The following MARCHF1 variants were observed in gnomAD, a reference collection of about 807,000 sequenced individuals.
MARCHF1 encodes membrane associated ring-CH-type finger 1, also known as E3 ubiquitin-protein ligase MARCHF1.
In MARCHF1, 40 loss-of-function variants were observed where a neutral mutation model predicts 54.2. The ratio of observed to expected loss-of-function variants is 0.74; its 90% CI spans 0.57 to 0.96. The LOEUF (loss-of-function observed/expected upper bound fraction) is 0.96, where lower values mean the gene tolerates loss of function less well. Ranked by LOEUF, MARCHF1 falls within the 40% of genes least tolerant of loss-of-function variation. MARCHF1 has a pLI of 0.00. For synonymous variants in MARCHF1, 236 were observed against 236.3 expected (o/e 1.00, Z 0.01); for missense variants, 586 against 656.5 (o/e 0.89, Z 1.17).
intron 4 of MARCHF1, among the ~76,000 whole-genome samples, chr4:163,788,797 AG>A (rs760429479): frequency 7.2e-5 from 11 of 152,026 alleles, no homozygotes; most frequent in African/African-American, 9.7e-5. Context: ...GTTAGAAGTG[AG>A]CCACTAAATT....
intron 1 of MARCHF1, among the ~76,000 whole-genome samples, chr4:164,326,783 G>A (rs1450066722): frequency 3.3e-5 from 5 of 152,132 alleles, no homozygotes; most frequent in African/African-American, 7.2e-5. Context: ...ACAGATAGGA[G>A]CTAAAAGTAT....
chr4:163,854,174 A>G lies in MARCHF1; in HGVS notation c.-38-5T>C. ...CCCTTTTCAATTTCTGAAATTCTGA[A>G]AATAATTTACATTCCCTGAAACAGG... is the stretch of plus-strand genomic sequence containing the variant. On this transcript the variant is annotated splice_region_variant and splice_polypyrimidine_tract_variant and intron_variant, in intron 3 of 9. Coordinates refer to ENST00000514618, the MANE Select transcript of MARCHF1 (RefSeq NM_001394959.1). 6.7e-7 allele frequency: 1 copy of G among 1,500,886 alleles called. No individual in the cohort carries two copies. Among genetic ancestry groups the G allele is most frequent in the South Asian group, 1.3e-5 (1 of 79,222 alleles). 93.0% of individuals were successfully genotyped at this position (1,500,886 alleles called of 1,614,324 possible).
intron 1 of MARCHF1, among the ~76,000 whole-genome samples, chr4:164,169,112 CTA>C (rs1730459774): frequency 6.6e-6 from 1 of 152,076 alleles, no homozygotes; most frequent in African/African-American, 2.4e-5. Flanking sequence ...AAAAAAGTAA[CTA>C]TGTGAGATAA....
chr4:164,269,013 G>T (rs759860692), intron 1 of MARCHF1, among the ~76,000 whole-genome samples: 29 of 152,034 alleles, frequency 1.9e-4, no homozygotes, highest in Non-Finnish European at 3.8e-4. Flanking sequence ...TAACAATTTT[G>T]GGGTTTATAT....
intron 1 of MARCHF1, among the ~76,000 whole-genome samples, chr4:164,310,678 C>T (rs1379213813): frequency 6.6e-6 from 1 of 151,812 alleles, no homozygotes; most frequent in Non-Finnish European, 1.5e-5. Context: ...CTATGCATAA[C>T]GATTTGCTCT....
chr4:163,779,917 G>T (rs1449388191), intron 4 of MARCHF1, among the ~76,000 whole-genome samples: 1 of 152,172 alleles, frequency 6.6e-6, no homozygotes, highest in African/African-American at 2.4e-5. Flanking sequence ...ACAGCACTTT[G>T]TGTTGTTGGC....
At chr4:163,798,611 T>C (rs546818661) in intron 4 of MARCHF1, among the ~76,000 whole-genome samples, 3 of 152,200 alleles carry the variant, frequency 2.0e-5, no homozygotes, top group African/African-American at 7.2e-5. Flanking sequence ...TAGAGCATTC[T>C]GGGAAAGAGA....
At chr4:163,736,414 C>G (rs1440728205) in intron 4 of MARCHF1, among the ~76,000 whole-genome samples, 1 of 152,018 alleles carries the variant, frequency 6.6e-6, no homozygotes, top group Non-Finnish European at 1.5e-5. Context: ...GATTTCATGT[C>G]GCTACTCAAA....
intron 1 of MARCHF1, among the ~76,000 whole-genome samples, chr4:164,124,951 C>G (rs1053655784): frequency 2.6e-5 from 4 of 152,056 alleles, no homozygotes; most frequent in African/African-American, 9.7e-5. Context: ...TTGTTTGTAA[C>G]TCAAAGGACA....
intron 3 of MARCHF1, among the ~76,000 whole-genome samples, chr4:163,900,112 C>A (rs1177017238): frequency 6.6e-6 from 1 of 152,038 alleles, no homozygotes; most frequent in African/African-American, 2.4e-5. Flanking sequence ...TATTTATAAT[C>A]TTTTGCTACT....
intron 2 of MARCHF1, among the ~76,000 whole-genome samples, chr4:164,059,701 T>G (rs1310524810): frequency 6.6e-6 from 1 of 152,114 alleles, no homozygotes; most frequent in Non-Finnish European, 1.5e-5. Flanking sequence ...ATAATCATGA[T>G]GCTGGGTATT....
At chr4:163,630,617 A>C (rs1742040279) in intron 5 of MARCHF1, among the ~76,000 whole-genome samples, 1 of 152,216 alleles carries the variant, frequency 6.6e-6, no homozygotes, top group African/African-American at 2.4e-5. Flanking sequence ...GATAAGAATA[A>C]AGTTTAATTT....
At chr4:164,107,269 GATA>G (rs59074841) in intron 2 of MARCHF1, among the ~76,000 whole-genome samples, 7,815 of 152,040 alleles carry the variant, frequency 0.051, 665 homozygotes, top group African/African-American at 0.18. Flanking sequence ...TTTTAAATTG[GATA>G]ATATTTAACA....
chr4:163,746,961 G>A (rs1746379526), intron 4 of MARCHF1, among the ~76,000 whole-genome samples: 1 of 152,148 alleles, frequency 6.6e-6, no homozygotes, highest in Non-Finnish European at 1.5e-5. Context: ...GCTTGTCTTT[G>A]ATCTTGAGCA....
chr4:164,377,903 G>A (rs1297153356), intron 1 of MARCHF1, among the ~76,000 whole-genome samples: 2 of 152,100 alleles, frequency 1.3e-5, no homozygotes, highest in Non-Finnish European at 2.9e-5. Context: ...GGAGGCTGTG[G>A]GATGGGACTA....
intron 2 of MARCHF1, among the ~76,000 whole-genome samples, chr4:164,013,099 C>G (rs1209527516): frequency 1.3e-5 from 2 of 151,956 alleles, no homozygotes; most frequent in African/African-American, 2.4e-5. Flanking sequence ...ATCTTTCAGA[C>G]AGGGGATTCA....
intron 5 of MARCHF1, among the ~76,000 whole-genome samples, chr4:163,685,642 T>C (rs1369961960): frequency 6.6e-6 from 1 of 152,078 alleles, no homozygotes; most frequent in Non-Finnish European, 1.5e-5. Flanking sequence ...TTAGTAGAGA[T>C]GGGGCTTTAC....
intron 1 of MARCHF1, among the ~76,000 whole-genome samples, chr4:164,241,289 G>C (rs1732738936): frequency 6.6e-6 from 1 of 152,082 alleles, no homozygotes. Flanking sequence ...GAACTCTTGA[G>C]GAAGGGGATT....
At chr4:164,032,630 T>C (rs923746046) in intron 2 of MARCHF1, among the ~76,000 whole-genome samples, 3 of 152,202 alleles carry the variant, frequency 2.0e-5, no homozygotes, top group African/African-American at 7.2e-5. Flanking sequence ...AATTTCCACA[T>C]AGTTGTGTGG....
Sources: gnomAD v4.1 joint callset for allele counts (sites outside exome capture counted in the v4.1 genomes callset) on GRCh38, gnomAD v4.1.1 for gene constraint, MANE v1.5 for transcripts, NCBI Gene and HGNC (gene_info 2026-07-23, HGNC 2026-07-21) for gene names.